KCNMB2: variants seen among roughly 807,000 people sequenced by gnomAD.
KCNMB2 encodes potassium calcium-activated channel subfamily M regulatory beta subunit 2.
Under a neutral mutation model 24.5 loss-of-function variants are expected in KCNMB2, and 9 were observed. The observed-to-expected ratio is 0.37, with a 90% CI of 0.22 to 0.64. The LOEUF (loss-of-function observed/expected upper bound fraction) is 0.64, where lower values mean the gene tolerates loss of function less well. Among genes scored for constraint, KCNMB2 ranks in the 30% least tolerant of loss-of-function variants. KCNMB2 has a pLI of 0.63. For synonymous variants in KCNMB2, 109 were observed against 104.4 expected, an observed-to-expected ratio of 1.04 and a Z score of -0.27; for missense variants, 226 against 284.3, an observed-to-expected ratio of 0.79 and a Z score of 1.47.
In KCNMB2 at chr3:178,611,516, A is replaced by G. The variant is rs147061847; in HGVS notation, c.-68+74805A>G. Among the ~76,000 whole-genome samples, 887 of 152,304 alleles carry G rather than the reference A, an allele frequency of 5.8e-3. 4 individuals are homozygous for G. Among genetic ancestry groups the G allele is most frequent in the African/African-American group, 0.02 (832 of 41,548 alleles). ...TCAGGAGATCAAGACCATCCTGGCC[A>G]ACATGATGAAACCCCGTCTCTACTA... On this transcript the variant is annotated intron_variant, in intron 1 of 4. Coordinates refer to ENST00000452583, the MANE Select transcript of KCNMB2 (RefSeq NM_181361.3).
chr3:178,782,563 G>A (rs1712903230), intron 1 of KCNMB2, among the ~76,000 whole-genome samples: 3 of 146,572 alleles, frequency 2.0e-5, no homozygotes. Context: ...ATTTTTTCAT[G>A]TGTTTTTTGG....
chr3:178,599,579 C>T lies in KCNMB2; in HGVS notation c.-68+62868C>T, dbSNP rs181171794. Among the ~76,000 whole-genome samples the T allele has an allele frequency of 4.6e-5, 7 of 152,234 alleles. No homozygotes were observed. The East Asian group carries it at 1.4e-3, about 29-fold the overall frequency. On this transcript the variant is annotated intron_variant, in intron 1 of 4. Coordinates refer to ENST00000452583, the MANE Select transcript of KCNMB2 (RefSeq NM_181361.3). ...ACACATGACTTTTTTTTACCTTGTG[C>T]ATTTACTTTCTTTAAAAAAGTGGTA...
chr3:178,697,386 T>C (rs1340299386), intron 1 of KCNMB2, among the ~76,000 whole-genome samples: 1 of 152,198 alleles, frequency 6.6e-6, no homozygotes, highest in Non-Finnish European at 1.5e-5. Context: ...TTGATCTTTG[T>C]TGGTCTAAAG....
chr3:178,561,628 G>A (rs938022072), intron 1 of KCNMB2, among the ~76,000 whole-genome samples: 2 of 152,264 alleles, frequency 1.3e-5, no homozygotes, highest in African/African-American at 2.4e-5. Flanking sequence ...CAATGTTAGC[G>A]TAGTTGGAAA....
rs191761257 is a variant in KCNMB2, at chr3:178,742,186, G to A, written c.-67-65157G>A. ...AGTAGAGCCATTAAAACTACTCTACGGTTAATGGTTAGGAAAATCAGGCTC... is the reference window on the plus strand; with the variant it reads ...AGTAGAGCCATTAAAACTACTCTACAGTTAATGGTTAGGAAAATCAGGCTC... On this transcript the variant is annotated intron_variant, in intron 1 of 4. Coordinates refer to ENST00000452583, the MANE Select transcript of KCNMB2 (RefSeq NM_181361.3). 1.0e-3 allele frequency among the ~76,000 whole-genome samples: 153 copies of A among 152,276 alleles called. No homozygotes were observed. The Middle Eastern group carries it at 0.024, about 24-fold the overall frequency.
At chr3:178,645,201 T>C (rs1012163019) in intron 1 of KCNMB2, among the ~76,000 whole-genome samples, 14 of 151,720 alleles carry the variant, frequency 9.2e-5, no homozygotes, top group Non-Finnish European at 2.1e-4. Flanking sequence ...CAGGCATGCA[T>C]CACTATGCCC....
In KCNMB2 at chr3:178,602,832, T is replaced by C. The variant is rs547830892; in HGVS notation, c.-68+66121T>C. Among the ~76,000 whole-genome samples the C allele has an allele frequency of 7.2e-5, 11 of 152,292 alleles. No homozygotes were observed. In the East Asian group the frequency reaches 2.1e-3, roughly 29 times the overall value. ...AGCCTACCCCCAGCGTTTCTGATGT[T>C]ATAGTGCTGGTGAATTTGCAATTTG... On this transcript the variant is annotated intron_variant, in intron 1 of 4. Coordinates refer to ENST00000452583, the MANE Select transcript of KCNMB2 (RefSeq NM_181361.3).
intron 4 of KCNMB2, among the ~76,000 whole-genome samples, chr3:178,841,152 G>T (rs1463020271): frequency 6.6e-6 from 1 of 152,102 alleles, no homozygotes; most frequent in African/African-American, 2.4e-5. Flanking sequence ...TATTTCTATG[G>T]CAGGGACAAA....
intron 1 of KCNMB2, among the ~76,000 whole-genome samples, chr3:178,571,435 C>T (rs1164178225): frequency 9.8e-6 from 1 of 101,602 alleles, no homozygotes; most frequent in South Asian, 3.2e-4. Context: ...GTGGATCTGC[C>T]TTTTCCTTAT....
chr3:178,677,505 C>T, intron 1 of KCNMB2, among the ~76,000 whole-genome samples: 1 of 152,202 alleles, frequency 6.6e-6, no homozygotes. Flanking sequence ...CCAGATGAAG[C>T]TCAGTATCCA....
At chr3:178,562,280 A>G (rs960110668) in intron 1 of KCNMB2, among the ~76,000 whole-genome samples, 2 of 152,232 alleles carry the variant, frequency 1.3e-5, no homozygotes, top group African/African-American at 2.4e-5. Flanking sequence ...AATAGGTCTT[A>G]GTAAGTGGAG....
intron 1 of KCNMB2, among the ~76,000 whole-genome samples, chr3:178,596,195 T>A (rs1278419206): frequency 6.6e-6 from 1 of 152,096 alleles, no homozygotes; most frequent in African/African-American, 2.4e-5. Context: ...AGTTTCTGAG[T>A]CCTACTCACA....
intron 1 of KCNMB2, among the ~76,000 whole-genome samples, chr3:178,762,044 G>A (rs146342226): frequency 0.14 from 21,224 of 151,938 alleles, 1,814 homozygotes; most frequent in Non-Finnish European, 0.18. Context: ...CGTAGCGGGC[G>A]CCTGTAGTCC....
intron 1 of KCNMB2, among the ~76,000 whole-genome samples, chr3:178,799,303 A>G (rs548811362): frequency 6.6e-6 from 1 of 152,262 alleles, no homozygotes; most frequent in South Asian, 2.1e-4. Flanking sequence ...CCAAAAACCT[A>G]TTAGAATTGA....
chr3:178,626,796 T>C (rs1302927871), intron 1 of KCNMB2, among the ~76,000 whole-genome samples: 1 of 151,582 alleles, frequency 6.6e-6, no homozygotes, highest in Non-Finnish European at 1.5e-5. Flanking sequence ...AACCATATCA[T>C]ACTAAAACTT....
At chr3:178,661,800 A>C (rs1720539136) in intron 1 of KCNMB2, among the ~76,000 whole-genome samples, 2 of 152,202 alleles carry the variant, frequency 1.3e-5, no homozygotes, top group Non-Finnish European at 2.9e-5. Context: ...TCATACACAC[A>C]TTGAAGTGTG....
chr3:178,730,141 C>T (rs1055038961), intron 1 of KCNMB2, among the ~76,000 whole-genome samples: 2 of 152,116 alleles, frequency 1.3e-5, no homozygotes, highest in Non-Finnish European at 1.5e-5. Flanking sequence ...ACAATTCTAC[C>T]ACGTTCCAAG....
chr3:178,639,667 C>T (rs541642169), intron 1 of KCNMB2, among the ~76,000 whole-genome samples: 1 of 152,316 alleles, frequency 6.6e-6, no homozygotes, highest in South Asian at 2.1e-4. Flanking sequence ...CCTAAATGGT[C>T]CATTCCCCTG....
intron 1 of KCNMB2, among the ~76,000 whole-genome samples, chr3:178,645,294 C>T (rs1719882885): frequency 6.6e-6 from 1 of 152,004 alleles, no homozygotes; most frequent in Admixed American, 6.6e-5. Context: ...AGGCAATCTG[C>T]CCGCCTCGGC....
Sources: gnomAD v4.1 joint callset for allele counts (sites outside exome capture counted in the v4.1 genomes callset) on GRCh38, gnomAD v4.1.1 for gene constraint, MANE v1.5 for transcripts, NCBI Gene and HGNC (gene_info 2026-07-23, HGNC 2026-07-21) for gene names.